Variants in GBE1 observed in about 807,000 individuals in gnomAD.
The protein encoded by GBE1 is 1,4-alpha-glucan branching enzyme 1, also known as 1,4-alpha-glucan-branching enzyme.
GBE1 carries 70 observed loss-of-function variants against 88.8 expected under a neutral mutation model. That is an observed-to-expected ratio of 0.79 (90% CI 0.65 to 0.96). The LOEUF is 0.96. GBE1 is among the 40% of genes least tolerant of loss of function. The probability of loss-of-function intolerance (pLI) is 0.00; values close to 1 mark genes in which losing one functional copy is unlikely to be tolerated. For synonymous variants in GBE1, 284 were observed against 300.1 expected (o/e 0.95, Z 0.56); for missense variants, 872 against 871.0 (o/e 1.00, Z -0.01).
At chr3:81,657,478 G>A (rs1704958716) in intron 3 of GBE1, among the ~76,000 whole-genome samples, 1 of 152,018 alleles carries the variant, frequency 6.6e-6, no homozygotes, top group Admixed American at 6.6e-5. Flanking sequence ...CTAGTTCATT[G>A]TGAACTTTGA....
chr3:81,712,132 C>T (rs1705876952), intron 1 of GBE1, among the ~76,000 whole-genome samples: 1 of 152,160 alleles, frequency 6.6e-6, no homozygotes, highest in Admixed American at 6.5e-5. Flanking sequence ...CAATGGCGAT[C>T]ATTAAAAAGT....
chr3:81,761,078 A>G (rs1706674615), intron 1 of GBE1, among the ~76,000 whole-genome samples: 1 of 150,534 alleles, frequency 6.6e-6, no homozygotes, highest in South Asian at 2.1e-4. Context: ...CTGGGGAATA[A>G]GTGTTGGAGC....
chr3:81,532,496 C>G (rs1279153159), intron 14 of GBE1, among the ~76,000 whole-genome samples: 1 of 152,022 alleles, frequency 6.6e-6, no homozygotes, highest in Non-Finnish European at 1.5e-5. Flanking sequence ...ATTCTATTGA[C>G]ATTACTTTAG....
chr3:81,569,413 T>G (rs553464554), intron 12 of GBE1, among the ~76,000 whole-genome samples: 1 of 152,238 alleles, frequency 6.6e-6, no homozygotes, highest in African/African-American at 2.4e-5. Flanking sequence ...TTGACCTTGT[T>G]GTTCTGCCAT....
intron 7 of GBE1, among the ~76,000 whole-genome samples, chr3:81,611,856 C>A (rs76081659): frequency 5.9e-5 from 9 of 152,034 alleles, no homozygotes; most frequent in Non-Finnish European, 1.3e-4. Context: ...TTTGCAAATG[C>A]TTTTTTGATG....
intron 14 of GBE1, among the ~76,000 whole-genome samples, chr3:81,508,192 G>A (rs1702679285): frequency 2.0e-5 from 3 of 152,060 alleles, no homozygotes; most frequent in Admixed American, 2.0e-4. Flanking sequence ...ATGTAAATAG[G>A]ACATTTATTC....
chr3:81,696,075 T>C (rs1705588678), intron 2 of GBE1, among the ~76,000 whole-genome samples: 1 of 152,112 alleles, frequency 6.6e-6, no homozygotes, highest in African/African-American at 2.4e-5. Context: ...GTACCTCTAA[T>C]TTTTTTCCTT....
At chr3:81,697,747 T>G (rs1705621912) in intron 2 of GBE1, among the ~76,000 whole-genome samples, 1 of 151,924 alleles carries the variant, frequency 6.6e-6, no homozygotes, top group Non-Finnish European at 1.5e-5. Context: ...GGGTAGAGTC[T>G]TAACAACCAC....
intron 1 of GBE1, among the ~76,000 whole-genome samples, chr3:81,720,454 C>G (rs1706011816): frequency 1.3e-5 from 2 of 151,840 alleles, no homozygotes; most frequent in Admixed American, 1.3e-4. Context: ...TCTGAAAGCA[C>G]AGGTACAGTT....
intron 12 of GBE1, among the ~76,000 whole-genome samples, chr3:81,542,403 T>C (rs796321170): frequency 5.9e-5 from 9 of 152,170 alleles, no homozygotes; most frequent in African/African-American, 2.2e-4. Flanking sequence ...TGCTCAAAGG[T>C]AAACAGCAGA....
intron 14 of GBE1, among the ~76,000 whole-genome samples, chr3:81,519,517 T>C (rs1362829955): frequency 1.3e-5 from 2 of 151,458 alleles, no homozygotes; most frequent in Non-Finnish European, 3.0e-5. Flanking sequence ...TTGATTCTTG[T>C]GTTGTTTATG....
intron 10 of GBE1, among the ~76,000 whole-genome samples, chr3:81,582,174 G>C (rs1420419135): frequency 6.6e-6 from 1 of 152,002 alleles, no homozygotes; most frequent in Non-Finnish European, 1.5e-5. Flanking sequence ...AAGCAGTTCT[G>C]ATCATTGCAG....
At chr3:81,724,974 C>T (rs779152797) in intron 1 of GBE1, among the ~76,000 whole-genome samples, 10 of 152,124 alleles carry the variant, frequency 6.6e-5, no homozygotes, top group Non-Finnish European at 1.3e-4. Context: ...TGCCAAAATG[C>T]CTGTTACTGG....
chr3:81,656,999 T>C (rs1704947745), intron 3 of GBE1, among the ~76,000 whole-genome samples: 1 of 151,682 alleles, frequency 6.6e-6, no homozygotes, highest in Non-Finnish European at 1.5e-5. Flanking sequence ...CTACTAAAAA[T>C]ACAAAAATTA....
chr3:81,575,981 T>A (rs1200407727), intron 12 of GBE1, among the ~76,000 whole-genome samples: 1 of 152,166 alleles, frequency 6.6e-6, no homozygotes, highest in Non-Finnish European at 1.5e-5. Flanking sequence ...TCATGTAGAC[T>A]TTTTTTCCTC....
chr3:81,643,221 C>T (rs1704716239), intron 6 of GBE1, among the ~76,000 whole-genome samples: 1 of 151,560 alleles, frequency 6.6e-6, no homozygotes, highest in Admixed American at 6.6e-5. Flanking sequence ...GATTTATACC[C>T]CAACCAAAAT....
rs575657561 is a variant in GBE1, at chr3:81,629,887, C to T, written c.992+12894G>A. The stretch of plus-strand genomic sequence containing the variant: ...CCGCCTCCCCCCACCCCACAACAGT[C>T]CCCGGTGTGTGATCTTCCCCTTCCT... On this transcript the variant is annotated intron_variant, in intron 7 of 15. Transcript: ENST00000429644. Among the ~76,000 whole-genome samples, 3 of 131,640 alleles carry T rather than the reference C, an allele frequency of 2.3e-5. No homozygotes were observed. In the South Asian group the frequency reaches 8.0e-4, roughly 35 times the overall value. 86.4% of individuals were successfully genotyped at this position (131,640 alleles called of 152,430 possible).
intron 1 of GBE1, among the ~76,000 whole-genome samples, chr3:81,745,766 C>T (rs1706412598): frequency 6.6e-6 from 1 of 152,008 alleles, no homozygotes; most frequent in Non-Finnish European, 1.5e-5. Flanking sequence ...AAAATTACTC[C>T]ACTTTACCTT....
At chr3:81,690,155 TTC>T (rs1705498950) in intron 2 of GBE1, among the ~76,000 whole-genome samples, 2 of 152,164 alleles carry the variant, frequency 1.3e-5, no homozygotes, top group African/African-American at 4.8e-5. Context: ...CAGTAAGATC[TTC>T]ACAACTATGA....
Sources: gnomAD v4.1 joint callset for allele counts (sites outside exome capture counted in the v4.1 genomes callset) on GRCh38, gnomAD v4.1.1 for gene constraint, MANE v1.5 for transcripts, NCBI Gene and HGNC (gene_info 2026-07-23, HGNC 2026-07-21) for gene names.